GLIS3: variants seen among roughly 807,000 people sequenced by gnomAD.
GLIS3 encodes zinc finger protein GLIS3.
A neutral mutation model predicts 78.6 loss-of-function variants in GLIS3; 53 were observed. The observed-to-expected ratio is 0.67, with a 90% confidence interval of 0.54 to 0.85. GLIS3 has a LOEUF of 0.85. Ranked by LOEUF, GLIS3 falls within the 40% of genes least tolerant of loss-of-function variation. The pLI, the probability that GLIS3 is intolerant of heterozygous loss-of-function variation, is 0.00. For missense variants in GLIS3, 1,703 were observed against 1,231.1 expected (o/e 1.38, Z -5.74); for synonymous variants, 684 against 509.9 (o/e 1.34, Z -4.60).
chr9:4,478,103 C>A, the GLIS3 span, among the ~76,000 whole-genome samples: 1 of 152,052 alleles, frequency 6.6e-6, no homozygotes, highest in African/African-American at 2.4e-5. Context: ...AAAAAATATA[C>A]AAGATGGTCT....
chr9:4,048,886 A>AG (rs1269348499), intron 4 of GLIS3, among the ~76,000 whole-genome samples: 5 of 152,194 alleles, frequency 3.3e-5, no homozygotes, highest in African/African-American at 7.2e-5. Flanking sequence ...ACCTCCTAAC[A>AG]ACCATCTCTG....
the GLIS3 span, among the ~76,000 whole-genome samples, chr9:4,354,378 C>T: frequency 6.6e-6 from 1 of 152,178 alleles, no homozygotes; most frequent in African/African-American, 2.4e-5. Flanking sequence ...ACCCTGTTAG[C>T]AGGCATGGGG....
the GLIS3 span, among the ~76,000 whole-genome samples, chr9:4,377,000 C>G: frequency 1.5e-5 from 2 of 135,620 alleles, 1 homozygote; most frequent in African/African-American, 5.2e-5. Context: ...CCACCACTTA[C>G]TAGCCCAATA....
chr9:3,923,278 C>T (rs1390660583), intron 6 of GLIS3, among the ~76,000 whole-genome samples: 1 of 152,186 alleles, frequency 6.6e-6, no homozygotes, highest in Admixed American at 6.5e-5. Context: ...GCACATAAGG[C>T]CCTTTAGCAC....
At chr9:4,253,193 T>C (rs1382962221) in intron 2 of GLIS3, among the ~76,000 whole-genome samples, 1 of 152,176 alleles carries the variant, frequency 6.6e-6, no homozygotes, top group Non-Finnish European at 1.5e-5. Flanking sequence ...AACGTTTAAG[T>C]CTGCTGAAGC....
chr9:4,381,378 TA>T, the GLIS3 span, among the ~76,000 whole-genome samples: 5 of 152,174 alleles, frequency 3.3e-5, no homozygotes, highest in South Asian at 6.2e-4. Context: ...ATAAGGTAGT[TA>T]AAGAGGGCTC....
intron 3 of GLIS3, among the ~76,000 whole-genome samples, chr9:4,121,967 T>A (rs1479886243): frequency 6.6e-6 from 1 of 152,268 alleles, no homozygotes; most frequent in Non-Finnish European, 1.5e-5. Context: ...TGTATCATTA[T>A]TTGAGAGCAA....
chr9:3,897,827 G>A (rs959154278), intron 7 of GLIS3, among the ~76,000 whole-genome samples: 4 of 152,052 alleles, frequency 2.6e-5, no homozygotes, highest in Non-Finnish European at 5.9e-5. Context: ...CATACTTTTC[G>A]AAAGAAAAAA....
At chr9:4,240,098 T>C (rs2129681293) in intron 2 of GLIS3, among the ~76,000 whole-genome samples, 1 of 151,876 alleles carries the variant, frequency 6.6e-6, no homozygotes, top group East Asian at 1.9e-4. Context: ...TTTATCCTTC[T>C]TACAATTAAT....
chr9:4,437,715 C>T, the GLIS3 span, among the ~76,000 whole-genome samples: 62 of 152,112 alleles, frequency 4.1e-4, no homozygotes, highest in Non-Finnish European at 7.1e-4. Context: ...TCTCCCTCTG[C>T]CACCTCTGAA....
chr9:4,419,446 C>T, the GLIS3 span, among the ~76,000 whole-genome samples: 8 of 152,056 alleles, frequency 5.3e-5, no homozygotes, highest in Non-Finnish European at 1.2e-4. Flanking sequence ...AGGCGGAAGG[C>T]AAAGTGGGAG....
At chr9:4,177,269 C>T (rs1056826223) in intron 2 of GLIS3, among the ~76,000 whole-genome samples, 5 of 152,224 alleles carry the variant, frequency 3.3e-5, no homozygotes, top group Non-Finnish European at 7.3e-5. Context: ...GCCCATTTAT[C>T]TATTGGTTGG....
At chr9:4,207,472 A>C (rs1014373320) in intron 2 of GLIS3, among the ~76,000 whole-genome samples, 3 of 152,226 alleles carry the variant, frequency 2.0e-5, no homozygotes, top group Non-Finnish European at 4.4e-5. Flanking sequence ...AATGATGCTT[A>C]TGGAGCAATT....
chr9:4,197,670 G>C (rs958029033), intron 2 of GLIS3, among the ~76,000 whole-genome samples: 1 of 152,216 alleles, frequency 6.6e-6, no homozygotes, highest in Non-Finnish European at 1.5e-5. Context: ...GGGCTGAGGA[G>C]GGAGCTCAGA....
the GLIS3 span, among the ~76,000 whole-genome samples, chr9:4,363,945 C>T: frequency 6.6e-6 from 1 of 152,102 alleles, no homozygotes; most frequent in Admixed American, 6.5e-5. Flanking sequence ...GACTCCTAGT[C>T]CAGTATTACA....
intron 2 of GLIS3, among the ~76,000 whole-genome samples, chr9:4,182,235 G>C (rs1217005210): frequency 6.6e-6 from 1 of 152,162 alleles, no homozygotes; most frequent in South Asian, 2.1e-4. Context: ...TAGTTTAACT[G>C]AGCAGTAGTG....
At chr9:4,340,239 A>AT (rs1195188619) in intron 2 of GLIS3, among the ~76,000 whole-genome samples, 1 of 151,766 alleles carries the variant, frequency 6.6e-6, no homozygotes, top group Non-Finnish European at 1.5e-5. Flanking sequence ...AAATCTCTGA[A>AT]TAATCCAAAA....
chr9:3,880,512 T>C (rs951384561), intron 7 of GLIS3, among the ~76,000 whole-genome samples: 1 of 152,224 alleles, frequency 6.6e-6, no homozygotes, highest in African/African-American at 2.4e-5. Context: ...CTTCCTTCTT[T>C]GTACAAAGTT....
chr9:4,149,707 G>GCATCA (rs1834518063), intron 2 of GLIS3, among the ~76,000 whole-genome samples: 1 of 152,126 alleles, frequency 6.6e-6, no homozygotes, highest in South Asian at 2.1e-4. Flanking sequence ...TGCATAACAT[G>GCATCA]AAATTCATTT....
Sources: gnomAD v4.1 joint callset for allele counts (sites outside exome capture counted in the v4.1 genomes callset) on GRCh38, gnomAD v4.1.1 for gene constraint, MANE v1.5 for transcripts, NCBI Gene and HGNC (gene_info 2026-07-23, HGNC 2026-07-21) for gene names.